ACSM3: variants seen among roughly 807,000 people sequenced by gnomAD.
ACSM3 encodes the protein acyl-CoA synthetase medium chain family member 3, also known as acyl-coenzyme A synthetase ACSM3, mitochondrial.
In ACSM3, 61 loss-of-function variants were observed where a neutral mutation model predicts 74.1. That is an observed-to-expected ratio of 0.82 (90% CI 0.67 to 1.02). ACSM3 has a LOEUF of 1.02. Among genes scored for constraint, ACSM3 ranks in the 50% least tolerant of loss-of-function variants. The pLI is 0.00. For missense variants in ACSM3, 660 were observed against 697.0 expected (o/e 0.95, Z 0.60); for synonymous variants, 213 against 241.5 (o/e 0.88, Z 1.09).
intron 2 of ACSM3, among the ~76,000 whole-genome samples, chr16:20,752,645 T>C (rs1424790827): frequency 6.6e-6 from 1 of 152,152 alleles, no homozygotes; most frequent in African/African-American, 2.4e-5. Context: ...TCGAGGGAGA[T>C]TAGATTTCAG....
At chr16:20,728,548 T>A (rs1449580750) in intron 1 of ACSM3, 2 of 602,948 alleles carry the variant, frequency 3.3e-6, no homozygotes, top group Admixed American at 3.1e-5. Context: ...AAATTTCATT[T>A]CCACCATGTC....
intron 1 of ACSM3, among the ~76,000 whole-genome samples, chr16:20,723,189 T>C (rs1166023872): frequency 1.3e-5 from 2 of 152,140 alleles, no homozygotes; most frequent in African/African-American, 4.8e-5. Context: ...CAGCTTCATC[T>C]ATGTCCCTAC....
In ACSM3 at chr16:20,683,715, C is replaced by T. The variant is rs113436914; in HGVS notation, c.-190+8893C>T. 3.5e-3 allele frequency among the ~76,000 whole-genome samples: 479 copies of T among 136,378 alleles called. 6 individuals carry two copies. The highest frequency in any genetic ancestry group is 0.034 in the East Asian group (156 of 4,638). 89.5% of individuals were successfully genotyped at this position (136,378 alleles called of 152,430 possible). A position where few individuals can be genotyped will look rare whatever the true frequency, so the allele number is the denominator to read the frequency against. On this transcript the variant is annotated intron_variant, in intron 1 of 3. Coordinates refer to the ACSM3 transcript ENST00000561584. ...TCTTTCTTTCTTTCTCTCTCTCTCT[C>T]TCTTTCTTTCTTTCTTTCTTTCTTT...
At position 20,776,017 on chromosome 16, in the gene ACSM3, G is replaced by T; in HGVS notation, c.398G>T (p.Trp133Leu). 8 of 1,614,166 alleles carry T rather than the reference G, an allele frequency of 5.0e-6. No individual in the cohort carries two copies. In the South Asian group the frequency reaches 8.8e-5, roughly 18 times the overall value. ...CTGATTCTGCCCAGGGTCCCAGAGT[G>T]GTGGCTTGCAAATGTGGCCTGTCTG... is the stretch of plus-strand genomic sequence containing the variant. ...VILILPRVPE[W>L]WLANVACLRT... Residue 133 changes from tryptophan to leucine, a missense_variant, in exon 3 of 14, where the codon TGG becomes TTG. By Grantham distance (61) the Trp-to-Leu change is moderately conservative. Transcript: ENST00000289416.
chr16:20,773,549 T>C (rs917428349), intron 2 of ACSM3, among the ~76,000 whole-genome samples: 9 of 152,334 alleles, frequency 5.9e-5, no homozygotes, highest in Admixed American at 5.2e-4. Context: ...TTTTGATATA[T>C]TATGCTTCCA....
chr16:20,742,787 G>A (rs114296246), intron 1 of ACSM3, among the ~76,000 whole-genome samples: 6,447 of 122,560 alleles, frequency 0.053, 163 homozygotes, highest in African/African-American at 0.082. Flanking sequence ...AGTCTGGTGC[G>A]TGTAAATATA....
chr16:20,781,870 CAT>C, intron 7 of ACSM3, 83 bp downstream of exon 7: 1 of 1,079,040 alleles, frequency 9.3e-7, no homozygotes, highest in South Asian at 1.3e-5. Context: ...CTGCCTGAAA[CAT>C]AGCTCCAAGC....
intron 1 of ACSM3, among the ~76,000 whole-genome samples, chr16:20,743,480 G>A (rs999000155): frequency 1.3e-5 from 2 of 152,092 alleles, no homozygotes; most frequent in Non-Finnish European, 2.9e-5. Context: ...TGAAGAATGT[G>A]TTTAAAAAAC....
chr16:20,795,077 T>G (rs2080692704), intron 12 of ACSM3, among the ~76,000 whole-genome samples: 1 of 152,234 alleles, frequency 6.6e-6, no homozygotes, highest in African/African-American at 2.4e-5. Context: ...AAATGCATTT[T>G]ATAAAATGTC....
intron 1 of ACSM3, among the ~76,000 whole-genome samples, chr16:20,698,107 T>C (rs2079699926): frequency 7.0e-6 from 1 of 143,184 alleles, no homozygotes; most frequent in Non-Finnish European, 1.5e-5. Context: ...GGCAGGAGAA[T>C]GGCGTGAACA....
At chr16:20,697,896 A>C (rs754417511) in intron 1 of ACSM3, 3 of 152,302 alleles carry the variant, frequency 2.0e-5, no homozygotes, top group Non-Finnish European at 2.9e-5. Flanking sequence ...ATAATCACTT[A>C]GAAAACAAAC....
chr16:20,699,175 T>C (rs2079705674), intron 1 of ACSM3, among the ~76,000 whole-genome samples: 1 of 152,280 alleles, frequency 6.6e-6, no homozygotes, highest in Middle Eastern at 3.4e-3. Context: ...TTGAAAGGAT[T>C]ATGTGACACC....
chr16:20,730,985 G>T (rs976440203), intron 1 of ACSM3, among the ~76,000 whole-genome samples: 3 of 152,138 alleles, frequency 2.0e-5, no homozygotes, highest in Non-Finnish European at 2.9e-5. Context: ...TCAGCCTCCT[G>T]AGTCGCTAGG....
chr16:20,694,766 C>T (rs892447900), intron 1 of ACSM3, among the ~76,000 whole-genome samples: 1 of 152,152 alleles, frequency 6.6e-6, no homozygotes, highest in African/African-American at 2.4e-5. Context: ...CAGAACACCA[C>T]TGTATTTGGA....
intron 1 of ACSM3, among the ~76,000 whole-genome samples, chr16:20,697,094 A>AT (rs1004903539): frequency 6.6e-6 from 1 of 151,706 alleles, no homozygotes; most frequent in Non-Finnish European, 1.5e-5. Context: ...GATGTTAACC[A>AT]TTTTTTTTGA....
At chr16:20,718,020 GA>G (rs1567323336) in intron 1 of ACSM3, among the ~76,000 whole-genome samples, 57 of 147,242 alleles carry the variant, frequency 3.9e-4, no homozygotes, top group African/African-American at 1.5e-3. Flanking sequence ...AGAAGAAGAA[GA>G]AGAAGAAAAG....
chr16:20,711,466 T>C, intron 1 of ACSM3: 14 of 1,236,022 alleles, frequency 1.1e-5, no homozygotes, highest in Non-Finnish European at 6.8e-6. Context: ...TTTAGTGTCC[T>C]TCCCAGGGAT....
At chr16:20,770,358 G>A in intron 2 of ACSM3, 105 bp downstream of exon 2, 1 of 989,676 alleles carries the variant, frequency 1.0e-6, no homozygotes, top group East Asian at 2.6e-5. Context: ...CATGATAGGG[G>A]CAGAGGCAGT....
intron 3 of ACSM3, among the ~76,000 whole-genome samples, chr16:20,755,975 A>G (rs1290771634): frequency 6.6e-6 from 1 of 151,960 alleles, no homozygotes; most frequent in East Asian, 1.9e-4. Flanking sequence ...ATCATTTTTT[A>G]TGGCTGCATA....
Sources: gnomAD v4.1 joint callset for allele counts (sites outside exome capture counted in the v4.1 genomes callset) on GRCh38, gnomAD v4.1.1 for gene constraint, MANE v1.5 for transcripts, NCBI Gene and HGNC (gene_info 2026-07-23, HGNC 2026-07-21) for gene names.